PACSIN1: variants seen among roughly 807,000 people sequenced by gnomAD.
PACSIN1 encodes protein kinase C and casein kinase substrate in neurons protein 1.
In PACSIN1, 15 loss-of-function variants were observed where a neutral mutation model predicts 59.5. The observed-to-expected ratio is 0.25, with a 90% CI of 0.17 to 0.39. PACSIN1 has a LOEUF of 0.39. PACSIN1 is among the 10% of genes least tolerant of loss of function. PACSIN1 has a pLI of 1.00. For synonymous variants in PACSIN1, 210 were observed against 220.6 expected, an observed-to-expected ratio of 0.95 and a Z score of 0.42; for missense variants, 420 against 580.2, an observed-to-expected ratio of 0.72 and a Z score of 2.84.
At chr6:34,469,933 T>C (rs545748776) in intron 1 of PACSIN1, among the ~76,000 whole-genome samples, 1 of 152,184 alleles carries the variant, frequency 6.6e-6, no homozygotes, top group South Asian at 2.1e-4. Flanking sequence ...TGGGGAGCAA[T>C]TTAGAATGTA....
At chr6:34,487,834 G>T (rs1766818309) in intron 1 of PACSIN1, among the ~76,000 whole-genome samples, 1 of 152,198 alleles carries the variant, frequency 6.6e-6, no homozygotes. Flanking sequence ...ACTCCCAACA[G>T]CTGGGGTCAA....
intron 1 of PACSIN1, among the ~76,000 whole-genome samples, chr6:34,468,040 C>T (rs1184998297): frequency 5.9e-5 from 9 of 152,178 alleles, no homozygotes; most frequent in African/African-American, 1.4e-4. Flanking sequence ...ACTTTCTTCC[C>T]GGGGTGCCAA....
At position 34,515,605 on chromosome 6, in the gene PACSIN1, C is replaced by T. The variant is rs766416783; in HGVS notation, c.-63-10638C>T. The stretch of plus-strand genomic sequence containing the variant: ...CCCCTGGTCAGGTCAGAGGCATCTA[C>T]CTCCTGCCCCAACCTCAGGCCCTTC... On this transcript the variant is annotated intron_variant, in intron 1 of 9. Transcript: ENST00000244458. This position sits in a 1 kb window ranked among gnomAD's most constrained non-coding sequence, Gnocchi z 4.4. Among the ~76,000 whole-genome samples the T allele has an allele frequency of 6.6e-6, 1 of 152,182 alleles. No individual in the cohort carries two copies. The highest frequency in any genetic ancestry group is 1.5e-5 in the Non-Finnish European group (1 of 68,020).
chr6:34,490,852 G>A (rs1483062251), intron 1 of PACSIN1, among the ~76,000 whole-genome samples: 3 of 152,056 alleles, frequency 2.0e-5, no homozygotes, highest in Admixed American at 6.6e-5. Context: ...TTCTACTGTG[G>A]GCTTTCGTTT....
In PACSIN1 at chr6:34,532,569, T is replaced by A; in HGVS notation, c.*39T>A. On this transcript the variant is annotated 3_prime_UTR_variant, in exon 10 of 10. Coordinates refer to ENST00000244458, the MANE Select transcript of PACSIN1 (RefSeq NM_020804.5). The surrounding 1 kb of genome is among the most constrained non-coding windows in gnomAD (Gnocchi z 5.2). ...CCATACTCCCGTCACTCCTCCCCAC[T>A]GCCGCCCCTCCCCTCCCACTCTCGT... 1.7e-6 allele frequency: 2 copies of A among 1,158,794 alleles called. No homozygotes were observed. The highest frequency in any genetic ancestry group is 2.5e-6 in the Non-Finnish European group (2 of 801,334). The allele number at this position is 1,158,794 out of a possible 1,614,324, so 71.8% of individuals were successfully genotyped here. A position where few individuals can be genotyped will look rare whatever the true frequency, so the allele number is the denominator to read the frequency against.
At chr6:34,510,999 C>A (rs1315263458) in intron 1 of PACSIN1, among the ~76,000 whole-genome samples, 1 of 152,184 alleles carries the variant, frequency 6.6e-6, no homozygotes, top group Non-Finnish European at 1.5e-5. Flanking sequence ...AGGTGTGAGC[C>A]ACCGCACTGA....
At chr6:34,526,407 G>T in intron 2 of PACSIN1, 39 bp downstream of exon 2, 1 of 1,576,790 alleles carries the variant, frequency 6.3e-7, no homozygotes, top group Non-Finnish European at 8.7e-7. Flanking sequence ...GGACCAGACA[G>T]CCTGGCTGTT....
At position 34,495,381 on chromosome 6, in the gene PACSIN1, T is replaced by G. The variant is rs1581967093; in HGVS notation, c.-64+29111T>G. 7.9e-5 allele frequency among the ~76,000 whole-genome samples: 12 copies of G among 152,024 alleles called. No homozygotes were observed. In the South Asian group the frequency reaches 2.5e-3, roughly 32 times the overall value. On this transcript the variant is annotated intron_variant, in intron 1 of 9. Coordinates refer to ENST00000244458, the MANE Select transcript of PACSIN1 (RefSeq NM_020804.5). ...ATGAAGGAACTTTACAAGTCAAAACTAAAACAGGGACAGTTGGATTTTACC... is the reference window on the plus strand; with the variant it reads ...ATGAAGGAACTTTACAAGTCAAAACGAAAACAGGGACAGTTGGATTTTACC...
In PACSIN1 at chr6:34,509,003, C is replaced by CT. The variant is rs538505050; in HGVS notation, c.-63-17235dup. Among the ~76,000 whole-genome samples the CT allele has an allele frequency of 2.2e-3, 329 of 152,202 alleles. 2 individuals carry two copies. The highest frequency in any genetic ancestry group is 7.2e-3 in the African/African-American group (299 of 41,524). On this transcript the variant is annotated intron_variant, in intron 1 of 9. Coordinates refer to ENST00000244458, the MANE Select transcript of PACSIN1 (RefSeq NM_020804.5). Reference sequence around the variant, plus strand: ...TGCTGTTTCCTTTGCAGTGCTTAGGCTTTTTAGTTTGATATGTAGTCCCAT... The same window carrying CT: ...TGCTGTTTCCTTTGCAGTGCTTAGGCTTTTTTAGTTTGATATGTAGTCCCAT...
rs1313168673 is a variant in PACSIN1 at position 34,529,112 on chromosome 6, A to G, written c.456+235A>G. 6.6e-6 allele frequency among the ~76,000 whole-genome samples: 1 copy of G among 152,148 alleles called. No homozygotes were observed. The highest frequency in any genetic ancestry group is 1.5e-5 in the Non-Finnish European group (1 of 68,016). ...CACTGTCCCCAGGAAAGATACCAGC[A>G]GGGGCAGAAGAGCACATTGGCCCCT... On this transcript the variant is annotated intron_variant, in intron 4 of 9. Transcript: ENST00000244458. This position sits in a 1 kb window ranked among gnomAD's most constrained non-coding sequence, Gnocchi z 6.3.
At position 34,527,370 on chromosome 6, in the gene PACSIN1, C is replaced by A; in HGVS notation, c.102C>A (p.Asp34Glu). 6.3e-7 allele frequency: 1 copy of A among 1,595,310 alleles called. No individual in the cohort carries two copies. The highest frequency in any genetic ancestry group is 1.4e-5 in the African/African-American group (1 of 73,910). ...AGCGGACCGTGAAGCGCATCGATGACGGCCACCGTCTATGCAACGACCTGA... is the reference window on the plus strand; with the variant it reads ...AGCGGACCGTGAAGCGCATCGATGAAGGCCACCGTCTATGCAACGACCTGA... ...NYKRTVKRID[D>E]GHRLCNDLMN... Residue 34 changes from aspartate (D) to glutamate (E), a missense_variant, in exon 3 of 10, where the codon GAC (aspartate) becomes GAA (glutamate). Asp to Glu is a conservative substitution (Grantham distance 45). Transcript: ENST00000244458.
At chr6:34,491,615 C>CTT (rs571524378) in intron 1 of PACSIN1, among the ~76,000 whole-genome samples, 11 of 144,126 alleles carry the variant, frequency 7.6e-5, no homozygotes, top group African/African-American at 2.8e-4. Context: ...ATTTTCTTTT[C>CTT]TTTTTTTTTT....
chr6:34,474,568 T>A (rs1209319128), intron 1 of PACSIN1, among the ~76,000 whole-genome samples: 1 of 151,986 alleles, frequency 6.6e-6, no homozygotes, highest in Non-Finnish European at 1.5e-5. Flanking sequence ...GGCAGGTGGA[T>A]CACCTGAGGT....
rs897511961 is a variant in PACSIN1, at chr6:34,530,805, G to T, written c.1037+218G>T. 1.3e-5 allele frequency among the ~76,000 whole-genome samples: 2 copies of T among 152,212 alleles called. No homozygotes were observed. Among genetic ancestry groups the T allele is most frequent in the Non-Finnish European group, 1.5e-5 (1 of 68,034 alleles). The stretch of plus-strand genomic sequence containing the variant: ...ACAATTTTTCCACGGATGGGAGCGG[G>T]GTGGTTTTCGGATGAAACTGTTCCA... On this transcript the variant is annotated intron_variant, in intron 8 of 9. Transcript: ENST00000244458. The surrounding 1 kb of genome is among the most constrained non-coding windows in gnomAD (Gnocchi z 4.4).
At chr6:34,526,584 G>C (rs1298694698) in intron 2 of PACSIN1, among the ~76,000 whole-genome samples, 1 of 152,254 alleles carries the variant, frequency 6.6e-6, no homozygotes, top group African/African-American at 2.4e-5. Context: ...GCTGCCCCCA[G>C]AGAGAGCCTG....
intron 1 of PACSIN1, among the ~76,000 whole-genome samples, chr6:34,512,720 C>T (rs779779214): frequency 2.0e-5 from 3 of 152,238 alleles, no homozygotes; most frequent in Non-Finnish European, 2.9e-5. Context: ...TGAGTACTTA[C>T]GATCTCATCC....
chr6:34,498,990 G>T (rs1766986793), intron 1 of PACSIN1, among the ~76,000 whole-genome samples: 1 of 151,774 alleles, frequency 6.6e-6, no homozygotes, highest in Non-Finnish European at 1.5e-5. Flanking sequence ...GTTAGGGGAG[G>T]GTTGGGGGAT....
intron 2 of PACSIN1, 134 bp from the exon 3 acceptor site, chr6:34,527,198 G>C (rs1393420732): frequency 1.1e-6 from 1 of 900,314 alleles, no homozygotes; most frequent in Non-Finnish European, 1.5e-6. Context: ...GGGGGCGGGG[G>C]CGGGGGCGGG....
intron 1 of PACSIN1, among the ~76,000 whole-genome samples, chr6:34,475,724 A>AC (rs1766630131): frequency 6.6e-6 from 1 of 152,168 alleles, no homozygotes; most frequent in Non-Finnish European, 1.5e-5. Flanking sequence ...AGAGATGGGT[A>AC]CCCCACCTGA....
Sources: gnomAD v4.1 joint callset for allele counts (sites outside exome capture counted in the v4.1 genomes callset) on GRCh38, gnomAD v4.1.1 for gene constraint, Gnocchi (gnomAD v3.1) non-coding constraint, MANE v1.5 for transcripts, NCBI Gene and HGNC (gene_info 2026-07-23, HGNC 2026-07-21) for gene names.